MRAP: variants seen among roughly 807,000 people sequenced by gnomAD.
MRAP encodes melanocortin 2 receptor accessory protein.
MRAP carries 8 observed loss-of-function variants against 8.7 expected under a neutral mutation model. The ratio of observed to expected loss-of-function variants is 0.92; its 90% CI spans 0.54 to 1.66. MRAP has a LOEUF of 1.66. Among genes scored for constraint, MRAP ranks in the 40% most tolerant of loss-of-function variants. The pLI is 0.00. For synonymous variants in MRAP, 95 were observed against 95.5 expected, an observed-to-expected ratio of 1.00 and a Z score of 0.03; for missense variants, 237 against 217.1, an observed-to-expected ratio of 1.09 and a Z score of -0.58.
At chr21:32,306,242 C>T (rs559016531) in intron 1 of MRAP, among the ~76,000 whole-genome samples, 3 of 152,092 alleles carry the variant, frequency 2.0e-5, no homozygotes, top group African/African-American at 4.8e-5. Flanking sequence ...GCATCCCTCC[C>T]GGGGGCCCAG....
At chr21:32,292,291 G>T (rs2032063104) in intron 1 of MRAP, among the ~76,000 whole-genome samples, 1 of 152,202 alleles carries the variant, frequency 6.6e-6, no homozygotes, top group Non-Finnish European at 1.5e-5. Flanking sequence ...GCCATGATTT[G>T]ATAAAAACTG....
At chr21:32,297,937 G>A (rs867913160), upstream of MRAP, among the ~76,000 whole-genome samples, 1 of 152,266 alleles carries the variant, frequency 6.6e-6, no homozygotes, top group East Asian at 1.9e-4. Context: ...TGGGTGGACT[G>A]TCTACACTGT....
chr21:32,295,801 C>T (rs2032129413), upstream of MRAP, among the ~76,000 whole-genome samples: 1 of 152,062 alleles, frequency 6.6e-6, no homozygotes, highest in Non-Finnish European at 1.5e-5. Context: ...CATGGTGAAA[C>T]CCCATCTCTA....
chr21:32,293,847 TGTCAAAG>T (rs1404371068), intron 2 of MRAP, among the ~76,000 whole-genome samples: 1 of 152,158 alleles, frequency 6.6e-6, no homozygotes, highest in Non-Finnish European at 1.5e-5. Context: ...TTCTTACTAA[TGTCAAAG>T]GGGCAACATT....
chr21:32,311,155 C>T, intron 2 of MRAP: 1 of 155,376 alleles, frequency 6.4e-6, no homozygotes, highest in Non-Finnish European at 1.4e-5. Flanking sequence ...CAGGGAAACT[C>T]CCCTTTATAA....
intron 2 of MRAP, among the ~76,000 whole-genome samples, chr21:32,308,123 C>T (rs893160201): frequency 2.6e-5 from 4 of 152,064 alleles, no homozygotes; most frequent in African/African-American, 4.8e-5. Context: ...CTGTAATCCC[C>T]GCACTTTGGG....
chr21:32,300,672 C>A (rs1006844968), intron 1 of MRAP, among the ~76,000 whole-genome samples: 1 of 145,558 alleles, frequency 6.9e-6, no homozygotes, highest in Non-Finnish European at 1.5e-5. Flanking sequence ...CGTCCTATGT[C>A]GGATGTGTCA....
intron 2 of MRAP, among the ~76,000 whole-genome samples, chr21:32,309,509 T>C (rs1310926034): frequency 1.3e-5 from 2 of 151,372 alleles, no homozygotes; most frequent in Admixed American, 6.6e-5. Context: ...TGGAGTGCAG[T>C]GGCGTGATCT....
At chr21:32,309,632 A>T (rs2032506925) in intron 2 of MRAP, among the ~76,000 whole-genome samples, 1 of 148,240 alleles carries the variant, frequency 6.7e-6, no homozygotes, top group Non-Finnish European at 1.5e-5. Context: ...TTGTATTTTT[A>T]GTAGAGACAG....
At chr21:32,297,523 C>T (rs557874363), upstream of MRAP, among the ~76,000 whole-genome samples, 196 of 152,260 alleles carry the variant, frequency 1.3e-3, no homozygotes, top group Non-Finnish European at 2.3e-3. Context: ...CCACACCCTG[C>T]CCCATGTGTC....
intron 2 of MRAP, chr21:32,311,442 A>G: frequency 6.9e-6 from 1 of 145,674 alleles, no homozygotes; most frequent in Non-Finnish European, 1.3e-5. Flanking sequence ...TCAATGTAGG[A>G]AGAAGTGGCC....
upstream of MRAP, among the ~76,000 whole-genome samples, chr21:32,297,062 G>A (rs1440259495): frequency 2.0e-5 from 3 of 152,346 alleles, no homozygotes; most frequent in African/African-American, 7.2e-5. Flanking sequence ...GCTGGTCATT[G>A]ATGGAAGCAT....
Position 32,299,092 on chromosome 21 carries a change from G to C in MRAP, c.106+15G>C, listed in dbSNP as rs746170274. The C allele has an allele frequency of 5.2e-5, 83 of 1,605,302 alleles. No individual in the cohort carries two copies. The highest frequency in any genetic ancestry group is 6.7e-5 in the Non-Finnish European group (79 of 1,172,480). ...AGCCCACAAACGTAAGTCTGAACTA[G>C]GGAAGCCGGTCAGACAGAGGCTGGG... On this transcript the variant is annotated intron_variant, in intron 1 of 2. Coordinates refer to ENST00000303645, the MANE Select transcript of MRAP (RefSeq NM_001379228.1).
upstream of MRAP, among the ~76,000 whole-genome samples, chr21:32,295,394 G>C (rs1262313261): frequency 6.6e-6 from 1 of 152,128 alleles, no homozygotes; most frequent in East Asian, 1.9e-4. Flanking sequence ...TGCCATGCTT[G>C]AGCCCACTCG....
chr21:32,301,421 G>T (rs2032296277), intron 1 of MRAP, among the ~76,000 whole-genome samples: 1 of 152,100 alleles, frequency 6.6e-6, no homozygotes, highest in Non-Finnish European at 1.5e-5. Context: ...TCTTGCTCTG[G>T]CCATGGAAAG....
upstream of MRAP, among the ~76,000 whole-genome samples, chr21:32,295,245 A>T (rs553392442): frequency 6.6e-6 from 1 of 152,192 alleles, no homozygotes; most frequent in African/African-American, 2.4e-5. Flanking sequence ...TAAAGTACAC[A>T]TGGAAGGGGG....
At chr21:32,299,113 C>A in intron 1 of MRAP, 36 bp downstream of exon 1, 1 of 1,566,782 alleles carries the variant, frequency 6.4e-7, no homozygotes. Flanking sequence ...CAGACAGAGG[C>A]TGGGGGCCGG....
upstream of MRAP, among the ~76,000 whole-genome samples, chr21:32,296,202 T>G (rs905964829): frequency 6.6e-6 from 1 of 152,092 alleles, no homozygotes; most frequent in African/African-American, 2.4e-5. Flanking sequence ...TCATCTTGGA[T>G]TAGAACCCAT....
In MRAP at chr21:32,312,073, T is replaced by C; in HGVS notation, c.*77T>C. On this transcript the variant is annotated 3_prime_UTR_variant, in exon 3 of 3. Coordinates refer to ENST00000303645, the MANE Select transcript of MRAP (RefSeq NM_001379228.1). Reference sequence around the variant, plus strand: ...TGGACACATACGTTCCTCGTTCTTCTTAGAGGCCATTTGCATGTAGCAGAA... The same window carrying C: ...TGGACACATACGTTCCTCGTTCTTCCTAGAGGCCATTTGCATGTAGCAGAA... 1 of 1,602,652 alleles carries C rather than the reference T, an allele frequency of 6.2e-7. No homozygotes were observed. The highest frequency in any genetic ancestry group is 8.5e-7 in the Non-Finnish European group (1 of 1,178,974).
Sources: gnomAD v4.1 joint callset for allele counts (sites outside exome capture counted in the v4.1 genomes callset) on GRCh38, gnomAD v4.1.1 for gene constraint, MANE v1.5 for transcripts, NCBI Gene and HGNC (gene_info 2026-07-23, HGNC 2026-07-21) for gene names.